CKM: variants seen among roughly 807,000 people sequenced by gnomAD.
CKM encodes the protein creatine kinase M-type.
A neutral mutation model predicts 35.4 loss-of-function variants in CKM; 28 were observed. The observed-to-expected ratio is 0.79, with a 90% CI of 0.59 to 1.08. The LOEUF (loss-of-function observed/expected upper bound fraction) is 1.08, where lower values mean the gene tolerates loss of function less well. CKM is among the 50% of genes least tolerant of loss of function. The pLI, the probability that CKM is intolerant of heterozygous loss-of-function variation, is 0.00. For synonymous variants in CKM, 215 were observed against 204.4 expected, an observed-to-expected ratio of 1.05 and a Z score of -0.44; for missense variants, 484 against 509.8, an observed-to-expected ratio of 0.95 and a Z score of 0.49.
At chr19:45,318,024 CAG>C (rs1568512487) in intron 2 of CKM, 45 bp from the exon 3 acceptor site, 2 of 1,596,730 alleles carry the variant, frequency 1.3e-6, no homozygotes, top group Non-Finnish European at 1.7e-6. Flanking sequence ...CCCCAGCAAA[CAG>C]GGCGTGGGCT....
intron 3 of CKM, among the ~76,000 whole-genome samples, chr19:45,316,396 TCAAA>T (rs1461830720): frequency 2.7e-5 from 4 of 150,184 alleles, no homozygotes; most frequent in Admixed American, 2.7e-4. Flanking sequence ...ACTCCTGGGC[TCAAA>T]CAGTCCTCCT....
chr19:45,307,030 T>C (rs996081252), intron 7 of CKM, 102 bp from the exon 8 acceptor site: 1 of 1,178,376 alleles, frequency 8.5e-7, no homozygotes, highest in Non-Finnish European at 1.2e-6. Context: ...AGTGAGTGCC[T>C]ACTGTGTAAC....
chr19:45,320,294 T>C lies in CKM; in HGVS notation c.-18-563A>G, dbSNP rs554711360. 2.6e-5 allele frequency among the ~76,000 whole-genome samples: 4 copies of C among 151,678 alleles called. No homozygotes were observed. The South Asian group carries it at 8.4e-4, about 32-fold the overall frequency. On this transcript the variant is annotated intron_variant, in intron 1 of 7. Coordinates refer to ENST00000221476, the MANE Select transcript of CKM (RefSeq NM_001824.5). ...ATTAGAGATGGGGTTTCACCATCTC[T>C]ACTGGTTGGCCAGGCTGGTCTCGAA...
rs776217748 is a variant in CKM at position 45,307,498 on chromosome 19, C to A, written c.930G>T (p.Glu310Asp). 1.9e-6 allele frequency: 3 copies of A among 1,613,944 alleles called. No homozygotes were observed. The highest frequency in any genetic ancestry group is 2.5e-6 in the Non-Finnish European group (3 of 1,179,884). Residue 310 changes from glutamate (E) to aspartate (D), a missense_variant, in exon 7 of 8, where the codon GAG becomes GAT. Glu to Asp is a conservative substitution (Grantham distance 45, BLOSUM62 2). Coordinates refer to ENST00000221476, the MANE Select transcript of CKM (RefSeq NM_001824.5). ...TCTGCAGACGCAGGCGGGTGAGGAT[C>A]TCCTCGAACTTGGGGTGCTTGCTCA... ...AHLSKHPKFE[E>D]ILTRLRLQKR...
At chr19:45,313,977 G>A (rs895186189) in intron 4 of CKM, among the ~76,000 whole-genome samples, 1 of 152,002 alleles carries the variant, frequency 6.6e-6, no homozygotes, top group African/African-American at 2.4e-5. Context: ...GGTAAGTCAT[G>A]ATTGCACCAC....
At chr19:45,320,449 A>G (rs1971203136) in intron 1 of CKM, among the ~76,000 whole-genome samples, 1 of 152,242 alleles carries the variant, frequency 6.6e-6, no homozygotes, top group African/African-American at 2.4e-5. Context: ...CGTTGGGGTC[A>G]GGCAGGCTGT....
intron 5 of CKM, among the ~76,000 whole-genome samples, chr19:45,311,390 C>T (rs932381914): frequency 3.3e-5 from 5 of 152,032 alleles, no homozygotes; most frequent in East Asian, 1.9e-4. Flanking sequence ...CCTGCCACTA[C>T]GCCCAGCTAA....
chr19:45,317,684 T>A, intron 3 of CKM, 141 bp downstream of exon 3: 1 of 941,302 alleles, frequency 1.1e-6, no homozygotes, highest in Admixed American at 2.0e-5. Flanking sequence ...AGCCTCCCAA[T>A]GTCCCTCTCT....
chr19:45,321,633 C>T (rs17875645), intron 1 of CKM, among the ~76,000 whole-genome samples: 10,391 of 151,916 alleles, frequency 0.068, 484 homozygotes, highest in Non-Finnish European at 0.089. Context: ...GTTATTACTA[C>T]TTTTTTGCAG....
Position 45,319,739 on chromosome 19 carries a change from G to T in CKM, c.-18-8C>A. ...GGTGGCGGTGTAGGAGACCTGATGGGCAGGGCAGGAGGGGAAGATTGAAGA... is the reference window on the plus strand; with the variant it reads ...GGTGGCGGTGTAGGAGACCTGATGGTCAGGGCAGGAGGGGAAGATTGAAGA... On this transcript the variant is annotated splice_region_variant and splice_polypyrimidine_tract_variant and intron_variant, in intron 1 of 7. Coordinates refer to ENST00000221476, the MANE Select transcript of CKM (RefSeq NM_001824.5). The T allele has an allele frequency of 1.2e-6, 2 of 1,609,602 alleles. No individual in the cohort carries two copies. The highest frequency in any genetic ancestry group is 1.7e-6 in the Non-Finnish European group (2 of 1,175,992).
intron 3 of CKM, among the ~76,000 whole-genome samples, chr19:45,316,504 C>T (rs567129216): frequency 5.3e-5 from 8 of 150,898 alleles, no homozygotes; most frequent in African/African-American, 9.7e-5. Flanking sequence ...TGGGCAGAGA[C>T]GGGTTCTTGC....
chr19:45,317,940 T>A lies in CKM; in HGVS notation c.233A>T (p.Asp78Val), dbSNP rs1304495846. The A allele has an allele frequency of 6.2e-7, 1 of 1,613,694 alleles. No individual in the cohort carries two copies. Among genetic ancestry groups the A allele is most frequent in the Non-Finnish European group, 8.5e-7 (1 of 1,179,970 alleles). The change falls in exon 3 of 8, where the codon GAT becomes GTT. Residue 78 changes from aspartate to valine, a missense_variant. Physicochemically the swap from Asp to Val is radical, Grantham distance 152. Transcript: ENST00000221476. The stretch of plus-strand genomic sequence containing the variant: ...CTTGAAAACTTCGTAGGACTCCTCA[T>A]CACCAGCCACGCAGCCCACGGTCAT... The part of the protein sequence containing the change: ...FIMTVGCVAG[D>V]EESYEVFKEL...
chr19:45,311,780 C>A lies in CKM; in HGVS notation c.622G>T (p.Ala208Ser), dbSNP rs760734453. ...VSPLLLASGM[A>S]RDWPDARGIW... ...CCACGGGCGTCGGGCCAGTCGCGGGCCATGCCTGAGGCCAGCAGCAGCGGG... is the reference window on the plus strand; with the variant it reads ...CCACGGGCGTCGGGCCAGTCGCGGGACATGCCTGAGGCCAGCAGCAGCGGG... The change falls in exon 5 of 8, where the codon GCC becomes TCC. Residue 208 changes from alanine (A) to serine (S), a missense_variant. Coordinates refer to ENST00000221476, the MANE Select transcript of CKM (RefSeq NM_001824.5). The A allele has an allele frequency of 1.2e-6, 2 of 1,601,812 alleles. No homozygotes were observed. Among genetic ancestry groups the A allele is most frequent in the South Asian group, 1.1e-5 (1 of 89,552 alleles).
At position 45,322,867 on chromosome 19, in the gene CKM, C is replaced by T. The variant is rs533491066; in HGVS notation, c.-65G>A. ...GGGGCTGTCTGTATCCTGGAGGTGA[C>T]ACTGACCCAAAGGAAGGGCCAGCAG... On this transcript the variant is annotated 5_prime_UTR_variant, in exon 1 of 8. Transcript: ENST00000221476. 1.0e-5 allele frequency: 10 copies of T among 986,146 alleles called. No homozygotes were observed. In the South Asian group the frequency reaches 4.7e-4, roughly 46 times the overall value. The allele number at this position is 986,146 out of a possible 1,614,324, so 61.1% of individuals were successfully genotyped here. A position where few individuals can be genotyped will look rare whatever the true frequency, so the allele number is the denominator to read the frequency against.
intron 4 of CKM, among the ~76,000 whole-genome samples, chr19:45,312,633 TG>T (rs1971120888): frequency 6.6e-6 from 1 of 150,684 alleles, no homozygotes; most frequent in African/African-American, 2.4e-5. Flanking sequence ...CTTGGGCGCC[TG>T]GCCCAAGACC....
intron 4 of CKM, among the ~76,000 whole-genome samples, chr19:45,313,571 G>C (rs1373866442): frequency 6.6e-6 from 1 of 152,216 alleles, no homozygotes; most frequent in Non-Finnish European, 1.5e-5. Flanking sequence ...CATAGGCCAG[G>C]TGCGGTGGCT....
At chr19:45,312,362 G>A (rs1242054670) in intron 4 of CKM, among the ~76,000 whole-genome samples, 2 of 151,868 alleles carry the variant, frequency 1.3e-5, no homozygotes, top group African/African-American at 2.4e-5. Context: ...GCTGAGGCAG[G>A]AGGATCACTT....
intron 6 of CKM, 119 bp downstream of exon 6, chr19:45,308,290 G>T: frequency 3.1e-6 from 4 of 1,278,852 alleles, no homozygotes; most frequent in Admixed American, 1.9e-5. Context: ...GGTCCGGGGG[G>T]CAGGGCCCTG....
At chr19:45,315,632 T>A (rs1448184564) in intron 3 of CKM, 35 bp from the exon 4 acceptor site, 2 of 1,599,194 alleles carry the variant, frequency 1.3e-6, no homozygotes, top group Non-Finnish European at 1.7e-6. Flanking sequence ...ACCAGGCAGA[T>A]CCTCCGCCCT....
Sources: allele counts gnomAD v4.1 joint callset (sites outside exome capture counted in the v4.1 genomes callset), GRCh38; gene constraint gnomAD v4.1.1; transcripts MANE v1.5; gene names NCBI Gene and HGNC (gene_info 2026-07-23, HGNC 2026-07-21).